EREG: variants seen among roughly 807,000 people sequenced by gnomAD.
EREG encodes proepiregulin.
In EREG, 23 loss-of-function variants were observed where a neutral mutation model predicts 22.4. That is an observed-to-expected ratio of 1.03 (90% CI 0.74 to 1.46). The LOEUF (loss-of-function observed/expected upper bound fraction) is 1.46. EREG is among the 40% of genes most tolerant of loss of function. The pLI, the probability that EREG is intolerant of heterozygous loss-of-function variation, is 0.00. For synonymous variants in EREG, 100 were observed against 75.4 expected (o/e 1.33, Z -1.69); for missense variants, 226 against 205.9 (o/e 1.10, Z -0.60).
chr4:74,373,517 T>C (rs1182194840), intron 1 of EREG, among the ~76,000 whole-genome samples: 3 of 151,394 alleles, frequency 2.0e-5, no homozygotes, highest in African/African-American at 7.3e-5. Flanking sequence ...CTTAATGAAG[T>C]GCAGTTACAA....
chr4:74,372,989 T>G (rs1173835984), intron 1 of EREG, among the ~76,000 whole-genome samples: 1 of 146,292 alleles, frequency 6.8e-6, no homozygotes, highest in East Asian at 2.0e-4. Context: ...TTTTTTTTTT[T>G]TTTTTTTTTT....
chr4:74,376,129 A>G (rs1374719868), intron 1 of EREG, among the ~76,000 whole-genome samples: 3 of 152,176 alleles, frequency 2.0e-5, no homozygotes, highest in African/African-American at 7.2e-5. Flanking sequence ...AAAACTAACA[A>G]CTACTAAAAA....
In EREG at chr4:74,374,048, T is replaced by C. The variant is rs372998142; in HGVS notation, c.68-5400T>C. Among the ~76,000 whole-genome samples the C allele has an allele frequency of 2.8e-3, 427 of 152,154 alleles. 1 individual carries two copies. The highest frequency in any genetic ancestry group is 9.8e-3 in the African/African-American group (408 of 41,516). On this transcript the variant is annotated intron_variant, in intron 1 of 4. Transcript: ENST00000244869. ...GATGGTAGAAAATGAACAGTCTGAGTAGGTTGGCATGTGACCACAGCAAAA... is the reference window on the plus strand; with the variant it reads ...GATGGTAGAAAATGAACAGTCTGAGCAGGTTGGCATGTGACCACAGCAAAA...
intron 4 of EREG, among the ~76,000 whole-genome samples, chr4:74,383,096 A>T (rs1462936989): frequency 3.3e-5 from 5 of 152,206 alleles, no homozygotes; most frequent in Non-Finnish European, 5.9e-5. Flanking sequence ...GAACATCTGG[A>T]TTGAACTTTA....
chr4:74,384,504 C>A (rs1752535131), intron 4 of EREG, among the ~76,000 whole-genome samples: 1 of 151,930 alleles, frequency 6.6e-6, no homozygotes, highest in South Asian at 2.1e-4. Context: ...TTGAGAAACT[C>A]TTTAAGTGTA....
In EREG at chr4:74,377,957, C is replaced by T. The variant is rs141195071; in HGVS notation, c.68-1491C>T. Among the ~76,000 whole-genome samples, 233 of 152,326 alleles carry T rather than the reference C, an allele frequency of 1.5e-3. 2 individuals carry two copies. Among genetic ancestry groups the T allele is most frequent in the African/African-American group, 5.1e-3 (211 of 41,564 alleles). On this transcript the variant is annotated intron_variant, in intron 1 of 4. Transcript: ENST00000244869. ...ATGTGGGTGGGGACACAGAGCCAAA[C>T]TATATCACTGGTACATAGTACATGT...
rs113254970 is a variant in EREG, at chr4:74,381,072, C to T, written c.213C>T (p.Asp71=). Residue 71 remains aspartate, a synonymous_variant, in exon 3 of 5, where the codon GAC becomes GAT. Coordinates refer to ENST00000244869, the MANE Select transcript of EREG (RefSeq NM_001432.3). ...TGTCAATAACAAAGTGTAGCTCTGA[C>T]ATGAATGGCTATTGTTTGCATGGAC... ...AQVSITKCSS[D]MNGYCLHGQC... is the part of the protein sequence containing the mutation. 6.8e-6 allele frequency: 11 copies of T among 1,613,438 alleles called. No homozygotes were observed. The highest frequency in any genetic ancestry group is 1.3e-5 in the African/African-American group (1 of 75,006).
intron 1 of EREG, 28 bp downstream of exon 1, chr4:74,365,403 C>A (rs924770533): frequency 6.2e-7 from 1 of 1,608,534 alleles, no homozygotes; most frequent in Non-Finnish European, 8.5e-7. Context: ...GGCTTCCGGC[C>A]GCCCCAAAGA....
chr4:74,377,703 C>T (rs931969122), intron 1 of EREG, among the ~76,000 whole-genome samples: 4 of 152,108 alleles, frequency 2.6e-5, no homozygotes, highest in African/African-American at 9.7e-5. Context: ...TTATCATGGC[C>T]GAAGGCGAAG....
rs372694082 is a variant in EREG at position 74,382,766 on chromosome 4, G to T, written c.400G>T (p.Val134Phe). 2 of 1,613,242 alleles carry T rather than the reference G, an allele frequency of 1.2e-6. No homozygotes were observed. Among genetic ancestry groups the T allele is most frequent in the Middle Eastern group, 1.6e-4 (1 of 6,076 alleles). Residue 134 changes from valine to phenylalanine, a missense_variant, in exon 4 of 5, where the codon GTC becomes TTC. Physicochemically the swap from Val to Phe is conservative, Grantham distance 50 (BLOSUM62 -1). Transcript: ENST00000244869. ...TATTATTTTGTTTCTTATCACAGTC[G>T]TCGGTTCCACATATTATTTCTGCAG... ...ILIILFLITV[V>F]GSTYYFCRWY...
At chr4:74,379,393 C>T (rs1752435851) in intron 1 of EREG, 55 bp from the exon 2 acceptor site, 1 of 1,104,284 alleles carries the variant, frequency 9.1e-7, no homozygotes, top group Non-Finnish European at 1.4e-6. Context: ...GAAATTTGAT[C>T]AAGATTTCTT....
chr4:74,369,364 T>TCATAGTA (rs561002826), intron 1 of EREG, among the ~76,000 whole-genome samples: 1,770 of 152,246 alleles, frequency 0.012, 19 homozygotes, highest in African/African-American at 0.027. Flanking sequence ...CTTTGTGTAC[T>TCATAGTA]CATAGTACAT....
At chr4:74,379,758 A>C (rs1309597594) in intron 2 of EREG, among the ~76,000 whole-genome samples, 3 of 152,224 alleles carry the variant, frequency 2.0e-5, no homozygotes, top group African/African-American at 7.2e-5. Flanking sequence ...TTGATTGTGA[A>C]GAGATAGGGA....
chr4:74,385,718 A>G lies in EREG; in HGVS notation c.*910A>G, dbSNP rs960511419. The G allele has an allele frequency of 2.7e-6, 1 of 375,818 alleles. No individual in the cohort carries two copies. The highest frequency in any genetic ancestry group is 4.7e-6 in the Non-Finnish European group (1 of 211,450). The allele number at this position is 375,818 out of a possible 1,614,324, so 23.3% of individuals were successfully genotyped here. On this transcript the variant is annotated 3_prime_UTR_variant, in exon 5 of 5. Transcript: ENST00000244869. Reference sequence around the variant, plus strand: ...CTTTGCTGAATTCTAACATTAAATCACAGCCCAAAATTTGATGGACTAATT... The same window carrying G: ...CTTTGCTGAATTCTAACATTAAATCGCAGCCCAAAATTTGATGGACTAATT...
intron 1 of EREG, among the ~76,000 whole-genome samples, chr4:74,371,768 T>G (rs1752294223): frequency 6.6e-6 from 1 of 152,088 alleles, no homozygotes; most frequent in Admixed American, 6.5e-5. Flanking sequence ...CTCAAATATG[T>G]TCACTCCCTT....
chr4:74,369,849 C>T (rs1437507211), intron 1 of EREG, among the ~76,000 whole-genome samples: 2 of 151,862 alleles, frequency 1.3e-5, no homozygotes, highest in South Asian at 2.1e-4. Context: ...CCACAATAAC[C>T]TTGTCAGGTA....
At chr4:74,368,450 A>T (rs1752227383) in intron 1 of EREG, among the ~76,000 whole-genome samples, 1 of 152,120 alleles carries the variant, frequency 6.6e-6, no homozygotes, top group African/African-American at 2.4e-5. Context: ...TATTCCTTGT[A>T]TTCTTTGTAT....
chr4:74,382,875 A>G (rs932979189), intron 4 of EREG, 81 bp downstream of exon 4: 1 of 1,026,580 alleles, frequency 9.7e-7, no homozygotes, highest in East Asian at 2.4e-5. Flanking sequence ...AAAAATATGG[A>G]TAAAGTATTA....
In EREG at chr4:74,387,294, G is replaced by A. The variant is rs989922048; in HGVS notation, c.*2486G>A. 4 of 151,920 alleles carry A rather than the reference G, an allele frequency of 2.6e-5. No individual in the cohort carries two copies. Among genetic ancestry groups the A allele is most frequent in the African/African-American group, 9.7e-5 (4 of 41,334 alleles). 9.4% of individuals were successfully genotyped at this position (151,920 alleles called of 1,614,324 possible). On this transcript the variant is annotated 3_prime_UTR_variant, in exon 5 of 5. Coordinates refer to ENST00000244869, the MANE Select transcript of EREG (RefSeq NM_001432.3). ...TTTATTAACGCTTACTAGATGTGAG[G>A]AGAGTCTGAATATTTTCAGTGATCT...
Sources: allele counts gnomAD v4.1 joint callset (sites outside exome capture counted in the v4.1 genomes callset), GRCh38; gene constraint gnomAD v4.1.1; transcripts MANE v1.5; gene names NCBI Gene and HGNC (gene_info 2026-07-23, HGNC 2026-07-21).